Variants in TNR observed in about 807,000 individuals in gnomAD.
TNR encodes tenascin R.
A neutral mutation model predicts 150.4 loss-of-function variants in TNR; 45 were observed. The ratio of observed to expected loss-of-function variants is 0.30; its 90% CI spans 0.24 to 0.38. TNR has a LOEUF of 0.38. Ranked by LOEUF, TNR falls within the 10% of genes least tolerant of loss-of-function variation. The pLI is 1.00. For missense variants in TNR, 1,544 were observed against 1,759.1 expected, an observed-to-expected ratio of 0.88 and a Z score of 2.19; for synonymous variants, 687 against 678.4, an observed-to-expected ratio of 1.01 and a Z score of -0.20.
chr1:175,699,490 G>A lies in TNR; in HGVS notation c.-165+43736C>T, dbSNP rs74430281. Among the ~76,000 whole-genome samples, 1,091 of 152,284 alleles carry A rather than the reference G, an allele frequency of 7.2e-3. 15 individuals carry two copies. The highest frequency in any genetic ancestry group is 0.025 in the African/African-American group (1,035 of 41,538). ...TTTAACTGAGGTTGGAGATTTGCCA[G>A]CCAGTGCAATGGGAGAGTGAATGCA... is the stretch of plus-strand genomic sequence containing the variant. On this transcript the variant is annotated intron_variant, in intron 1 of 22. Coordinates refer to ENST00000367674, the MANE Select transcript of TNR (RefSeq NM_003285.3).
chr1:175,354,919 T>G (rs778873252), intron 17 of TNR, among the ~76,000 whole-genome samples: 20 of 152,310 alleles, frequency 1.3e-4, no homozygotes, highest in Admixed American at 1.2e-3. Flanking sequence ...GATTTCCCTT[T>G]AAAAAGAGGT....
At chr1:175,611,050 C>T (rs919264085) in intron 1 of TNR, among the ~76,000 whole-genome samples, 1 of 152,162 alleles carries the variant, frequency 6.6e-6, no homozygotes, top group Non-Finnish European at 1.5e-5. Flanking sequence ...AAAGTTACCT[C>T]TTGATGTTTC....
Position 175,323,298 on chromosome 1 carries a change from A to C in TNR, c.*59T>G, listed in dbSNP as rs1187568147. 3.4e-5 allele frequency: 55 copies of C among 1,597,930 alleles called. No homozygotes were observed. The highest frequency in any genetic ancestry group is 4.6e-5 in the Non-Finnish European group (54 of 1,169,956). On this transcript the variant is annotated 3_prime_UTR_variant, in exon 23 of 23. Coordinates refer to ENST00000367674, the MANE Select transcript of TNR (RefSeq NM_003285.3). ...TGCTATTACCCTCCCCCCTTGTTTC[A>C]TATTATAAAATACAAACAAATGACA...
In TNR at chr1:175,337,628, C is replaced by T; in HGVS notation, c.3434G>A (p.Gly1145Glu). ...GGGGTAAACCCCACTCAAAGTGTCT[C>T]CATTCATCAAATGCTGGGCACAGTC... The part of the protein sequence containing the change: ...PQDCAQHLMN[G>E]DTLSGVYPIF... Residue 1145 changes from glycine (G) to glutamate (E), a missense_variant, in exon 19 of 23, where the codon GGA (glycine) becomes GAA (glutamate). Around this residue, in one of 2 missense-constraint regions of TNR, gnomAD observed 290 missense variants for 429.7 expected, o/e 0.67. Coordinates refer to ENST00000367674, the MANE Select transcript of TNR (RefSeq NM_003285.3). 6.2e-7 allele frequency: 1 copy of T among 1,614,204 alleles called. No individual in the cohort carries two copies. The highest frequency in any genetic ancestry group is 2.2e-5 in the East Asian group (1 of 44,884).
chr1:175,591,748 A>T (rs1441365973), intron 1 of TNR, among the ~76,000 whole-genome samples: 1 of 152,222 alleles, frequency 6.6e-6, no homozygotes, highest in Admixed American at 6.5e-5. Flanking sequence ...AAATATTCCC[A>T]TTCTCTAACT....
chr1:175,420,259 G>T (rs1339398042), intron 2 of TNR, among the ~76,000 whole-genome samples: 1 of 152,108 alleles, frequency 6.6e-6, no homozygotes, highest in Non-Finnish European at 1.5e-5. Flanking sequence ...GTACCCACAG[G>T]AATCTGACTT....
At chr1:175,484,855 G>A (rs953109473) in intron 2 of TNR, among the ~76,000 whole-genome samples, 8 of 152,122 alleles carry the variant, frequency 5.3e-5, no homozygotes, top group Non-Finnish European at 1.2e-4. Context: ...CCTGTCCTTC[G>A]ATAGAGCTTC....
chr1:175,500,650 G>A (rs749695945), intron 2 of TNR, among the ~76,000 whole-genome samples: 18 of 152,174 alleles, frequency 1.2e-4, no homozygotes, highest in Non-Finnish European at 2.4e-4. Flanking sequence ...CTCAGCTTTA[G>A]GGCTGAAAAT....
Position 175,393,805 on chromosome 1 carries a change from C to T in TNR, c.1331G>A (p.Gly444Glu), listed in dbSNP as rs1164749926. The T allele has an allele frequency of 1.2e-6, 2 of 1,613,942 alleles. No individual in the cohort carries two copies. Among genetic ancestry groups the T allele is most frequent in the East Asian group, 2.2e-5 (1 of 44,902 alleles). ...CTTTGGAATGAAGCTGATTTCCCAC[C>T]CATCGAAGGAAAATGAGAAGGGCTC... ...QWEPFSFSFD[G>E]WEISFIPKNN... The change falls in exon 6 of 23, where the codon GGG (glycine) becomes GAG (glutamate). Residue 444 changes from glycine (G) to glutamate (E), a missense_variant. Gly to Glu is a moderately conservative substitution (Grantham distance 98). Around this residue, in one of 2 missense-constraint regions of TNR, gnomAD observed 1,254 missense variants for 1,329.4 expected, o/e 0.94. Coordinates refer to ENST00000367674, the MANE Select transcript of TNR (RefSeq NM_003285.3).
In TNR at chr1:175,433,470, A is replaced by T. The variant is rs375152992; in HGVS notation, c.-63-26693T>A. Among the ~76,000 whole-genome samples, 3 of 152,110 alleles carry T rather than the reference A, an allele frequency of 2.0e-5. No homozygotes were observed. The East Asian group carries it at 5.8e-4, about 29-fold the overall frequency. On this transcript the variant is annotated intron_variant, in intron 2 of 22. Coordinates refer to ENST00000367674, the MANE Select transcript of TNR (RefSeq NM_003285.3). ...CCAACAAACCCTTCACAGAAACAAC[A>T]TGGGACTTTGGGGAGTTAGGGGATG...
intron 2 of TNR, among the ~76,000 whole-genome samples, chr1:175,424,671 C>T (rs2102064804): frequency 6.6e-6 from 1 of 152,250 alleles, no homozygotes; most frequent in East Asian, 1.9e-4. Flanking sequence ...AGAGAAATGT[C>T]AGCAAGGATG....
intron 2 of TNR, among the ~76,000 whole-genome samples, chr1:175,508,846 G>A (rs1386634629): frequency 6.6e-6 from 1 of 152,202 alleles, no homozygotes; most frequent in African/African-American, 2.4e-5. Context: ...GGGGTCATTT[G>A]TGACTCAACA....
At chr1:175,395,898 A>C (rs950368516) in intron 5 of TNR, among the ~76,000 whole-genome samples, 1 of 152,196 alleles carries the variant, frequency 6.6e-6, no homozygotes, top group Admixed American at 6.5e-5. Context: ...TATAAAAAAA[A>C]CTGTTCATTT....
intron 1 of TNR, among the ~76,000 whole-genome samples, chr1:175,582,623 C>G (rs1662399978): frequency 6.6e-6 from 1 of 152,134 alleles, no homozygotes; most frequent in African/African-American, 2.4e-5. Context: ...GCCAAGAGGC[C>G]TTTACCATGC....
intron 1 of TNR, among the ~76,000 whole-genome samples, chr1:175,739,159 G>A (rs1012148163): frequency 6.6e-6 from 1 of 152,150 alleles, no homozygotes; most frequent in African/African-American, 2.4e-5. Flanking sequence ...AAAGGCAGGT[G>A]ACCCCAGAAA....
At chr1:175,613,175 A>G (rs1663650965) in intron 1 of TNR, among the ~76,000 whole-genome samples, 1 of 152,172 alleles carries the variant, frequency 6.6e-6, no homozygotes. Context: ...CTATCTTTCT[A>G]GAAGGGTGCT....
At chr1:175,340,838 T>C (rs74520416) in intron 18 of TNR, among the ~76,000 whole-genome samples, 2 of 152,310 alleles carry the variant, frequency 1.3e-5, no homozygotes, top group East Asian at 3.9e-4. Context: ...ATGAATACTG[T>C]AGATTGAATG....
At chr1:175,449,285 T>G (rs1656200233) in intron 2 of TNR, among the ~76,000 whole-genome samples, 2 of 152,198 alleles carry the variant, frequency 1.3e-5, no homozygotes, top group Admixed American at 6.6e-5. Flanking sequence ...CACATATGCA[T>G]GCATGTGCAC....
intron 1 of TNR, among the ~76,000 whole-genome samples, chr1:175,541,824 C>T (rs1660511247): frequency 6.6e-6 from 1 of 152,144 alleles, no homozygotes. Flanking sequence ...TCTAAGCTTC[C>T]ATTTTTTGCT....
Sources: gnomAD v4.1 joint callset for allele counts (sites outside exome capture counted in the v4.1 genomes callset) on GRCh38, gnomAD v4.1.1 for gene constraint, gnomAD v4.1.1 regional missense constraint, MANE v1.5 for transcripts, NCBI Gene and HGNC (gene_info 2026-07-23, HGNC 2026-07-21) for gene names.